The following DPP6 variants were observed in gnomAD, a reference collection of about 807,000 sequenced individuals.
DPP6 encodes the protein A-type potassium channel modulatory protein DPP6.
DPP6 carries 69 observed loss-of-function variants against 122.6 expected under a neutral mutation model. The observed-to-expected ratio is 0.56, with a 90% CI of 0.46 to 0.69. The LOEUF (loss-of-function observed/expected upper bound fraction) is 0.69. DPP6 is among the 30% of genes least tolerant of loss of function. DPP6 has a pLI of 0.00. For synonymous variants in DPP6, 418 were observed against 433.1 expected (o/e 0.97, Z 0.43); for missense variants, 928 against 1,116.9 (o/e 0.83, Z 2.41).
At chr7:154,154,630 T>G (rs1170938290) in intron 1 of DPP6, among the ~76,000 whole-genome samples, 3 of 152,230 alleles carry the variant, frequency 2.0e-5, no homozygotes, top group African/African-American at 7.2e-5. Flanking sequence ...CAAGAATTCT[T>G]CTAGTTCAAG....
intron 7 of DPP6, among the ~76,000 whole-genome samples, chr7:154,704,501 G>T (rs1233038936): frequency 6.6e-6 from 1 of 152,138 alleles, no homozygotes; most frequent in African/African-American, 2.4e-5. Context: ...CTACAGGAAA[G>T]CTTTTGTGAA....
At chr7:154,671,800 A>G (rs979386706) in intron 7 of DPP6, among the ~76,000 whole-genome samples, 1 of 152,158 alleles carries the variant, frequency 6.6e-6, no homozygotes, top group Admixed American at 6.5e-5. Context: ...ATAAGTAGCA[A>G]CAAAACAAAG....
rs1795498371 is a variant in DPP6 at position 154,760,843 on chromosome 7, T to TG, written c.884-8574_884-8573insG. 6.7e-6 allele frequency among the ~76,000 whole-genome samples: 1 copy of TG among 150,164 alleles called. No homozygotes were observed. The highest frequency in any genetic ancestry group is 2.4e-5 in the African/African-American group (1 of 40,850). On this transcript the variant is annotated intron_variant, in intron 8 of 25. Coordinates refer to ENST00000377770, the MANE Select transcript of DPP6 (RefSeq NM_130797.4). This position sits in a 1 kb window ranked among gnomAD's most constrained non-coding sequence, Gnocchi z 4.5. ...AGCCTTCCTCTTTCAAAACTTTTGT[T>TG]TTTTTTTTTTTGAGACAGTCTTGCT...
At chr7:154,344,127 C>T (rs10085421) in intron 1 of DPP6, among the ~76,000 whole-genome samples, 11,100 of 152,214 alleles carry the variant, frequency 0.073, 1,257 homozygotes, top group African/African-American at 0.24. Context: ...GGTCCCAAGC[C>T]TTTTCCTCTC....
the DPP6 span, among the ~76,000 whole-genome samples, chr7:153,817,017 A>T: frequency 2.7e-5 from 4 of 150,226 alleles, no homozygotes; most frequent in African/African-American, 7.3e-5. Flanking sequence ...GAAACATAAA[A>T]TTCTTGCCAA....
intron 16 of DPP6, among the ~76,000 whole-genome samples, chr7:154,829,118 C>A (rs963135169): frequency 1.2e-4 from 18 of 152,092 alleles, no homozygotes; most frequent in African/African-American, 4.3e-4. Flanking sequence ...CGCAGTGGCT[C>A]ATGCCTGTAA....
intron 1 of DPP6, among the ~76,000 whole-genome samples, chr7:154,378,329 G>T (rs1171337396): frequency 6.6e-6 from 1 of 152,202 alleles, no homozygotes; most frequent in South Asian, 2.1e-4. Context: ...GGAGGTAGCT[G>T]TGTAAAATTA....
intron 7 of DPP6, among the ~76,000 whole-genome samples, chr7:154,715,049 T>C (rs75289826): frequency 3.8e-4 from 57 of 151,602 alleles, no homozygotes; most frequent in African/African-American, 7.8e-4. Context: ...TTTATTTTAT[T>C]TTATCTTATC....
chr7:154,094,435 G>A (rs1465349058), intron 1 of DPP6: 2 of 152,494 alleles, frequency 1.3e-5, no homozygotes, highest in African/African-American at 4.8e-5. Context: ...TTCGGCGCAG[G>A]GAGAGCTGCA....
the DPP6 span, among the ~76,000 whole-genome samples, chr7:153,803,854 CAT>C: frequency 0.033 from 4,925 of 150,976 alleles, 254 homozygotes; most frequent in African/African-American, 0.11. Context: ...CACACACACA[CAT>C]ATATATATAC....
At chr7:154,654,281 T>G (rs1477980944) in intron 6 of DPP6, among the ~76,000 whole-genome samples, 1 of 152,062 alleles carries the variant, frequency 6.6e-6, no homozygotes, top group Non-Finnish European at 1.5e-5. Flanking sequence ...TCATATATGT[T>G]AAAAGCATCT....
At chr7:153,961,976 A>G (rs1400974738) in intron 1 of DPP6, among the ~76,000 whole-genome samples, 2 of 148,888 alleles carry the variant, frequency 1.3e-5, no homozygotes, top group African/African-American at 2.5e-5. Flanking sequence ...ACACACAGCC[A>G]TTATATGTCC....
chr7:154,195,825 C>T (rs1243931438), intron 1 of DPP6, among the ~76,000 whole-genome samples: 2 of 152,180 alleles, frequency 1.3e-5, no homozygotes, highest in African/African-American at 2.4e-5. Flanking sequence ...TTCTAGAGGA[C>T]AGCAGTGTGT....
the DPP6 span, among the ~76,000 whole-genome samples, chr7:153,856,038 AC>A: frequency 6.6e-6 from 1 of 152,160 alleles, no homozygotes; most frequent in Non-Finnish European, 1.5e-5. Flanking sequence ...CTGGGCAAGC[AC>A]CAAATCACAT....
chr7:153,839,409 TTGCAA>T, the DPP6 span, among the ~76,000 whole-genome samples: 4 of 152,216 alleles, frequency 2.6e-5, no homozygotes, highest in Admixed American at 6.5e-5. Context: ...GCCAGAGGTT[TTGCAA>T]TGCAATGGTG....
intron 1 of DPP6, among the ~76,000 whole-genome samples, chr7:154,000,777 C>CT (rs1225960685): frequency 2.0e-5 from 3 of 152,030 alleles, no homozygotes; most frequent in African/African-American, 7.2e-5. Flanking sequence ...AAACAGCACT[C>CT]TATGGCTAGA....
intron 3 of DPP6, among the ~76,000 whole-genome samples, chr7:154,476,145 G>A (rs1382604269): frequency 2.6e-5 from 4 of 152,076 alleles, no homozygotes; most frequent in Admixed American, 6.5e-5. Context: ...CTTTTCTTTC[G>A]TCCTCTATTG....
intron 1 of DPP6, chr7:154,058,834 TC>T (rs1418982093): frequency 6.8e-6 from 1 of 146,940 alleles, no homozygotes; most frequent in Non-Finnish European, 1.5e-5. Context: ...TATCCCCTCT[TC>T]CGCCCCTGGC....
chr7:153,788,496 C>T, the DPP6 span, among the ~76,000 whole-genome samples: 1 of 152,198 alleles, frequency 6.6e-6, no homozygotes, highest in Non-Finnish European at 1.5e-5. Context: ...CATTGGTTGA[C>T]ATTTTAACAT....
Sources: gnomAD v4.1 joint callset for allele counts (sites outside exome capture counted in the v4.1 genomes callset) on GRCh38, gnomAD v4.1.1 for gene constraint, Gnocchi (gnomAD v3.1) non-coding constraint, MANE v1.5 for transcripts, NCBI Gene and HGNC (gene_info 2026-07-23, HGNC 2026-07-21) for gene names.